Variants in SORCS2 observed in about 807,000 individuals in gnomAD.
The protein encoded by SORCS2 is sortilin related VPS10 domain containing receptor 2, also known as VPS10 domain-containing receptor SorCS2.
In SORCS2, 100 loss-of-function variants were observed where a neutral mutation model predicts 141.6. The ratio of observed to expected loss-of-function variants is 0.71; its 90% CI spans 0.60 to 0.83. The LOEUF is 0.83. SORCS2 is among the 40% of genes least tolerant of loss of function. SORCS2 has a pLI of 0.00. For missense variants in SORCS2, 1,646 were observed against 1,560.2 expected, an observed-to-expected ratio of 1.05 and a Z score of -0.93; for synonymous variants, 789 against 676.9, an observed-to-expected ratio of 1.17 and a Z score of -2.57.
intron 8 of SORCS2, among the ~76,000 whole-genome samples, chr4:7,668,786 G>A (rs1722642194): frequency 6.6e-6 from 1 of 152,186 alleles, no homozygotes; most frequent in Non-Finnish European, 1.5e-5. Flanking sequence ...CAGCATCTGG[G>A]AAGCCTTCCC....
chr4:7,446,711 G>T lies in SORCS2; in HGVS notation c.548+50356G>T, dbSNP rs370166743. On this transcript the variant is annotated intron_variant, in intron 2 of 26. Transcript: ENST00000507866. The stretch of plus-strand genomic sequence containing the variant: ...TGAGCCCCTGTTCCTGGCATACAAG[G>T]GGGTGCACCCTAGTTTTAATGCCAG... Among the ~76,000 whole-genome samples the T allele has an allele frequency of 2.0e-4, 30 of 152,276 alleles. No homozygotes were observed. The East Asian group carries it at 5.4e-3, about 27-fold the overall frequency.
At chr4:7,374,391 G>A (rs1352575062) in intron 1 of SORCS2, among the ~76,000 whole-genome samples, 2 of 152,064 alleles carry the variant, frequency 1.3e-5, no homozygotes, top group African/African-American at 2.4e-5. Context: ...GTACCAGCCC[G>A]GGTCTGAAAG....
At chr4:7,310,372 T>A (rs1356340801) in intron 1 of SORCS2, 1 of 154,312 alleles carries the variant, frequency 6.5e-6, no homozygotes, top group East Asian at 1.9e-4. Context: ...CAGAGGTGTG[T>A]GTTCCTCAGA....
At chr4:7,511,009 A>C (rs895098214) in intron 2 of SORCS2, among the ~76,000 whole-genome samples, 5 of 152,232 alleles carry the variant, frequency 3.3e-5, no homozygotes, top group African/African-American at 1.2e-4. Flanking sequence ...GGGGAAGAGA[A>C]GGCCACATAT....
intron 2 of SORCS2, among the ~76,000 whole-genome samples, chr4:7,516,777 T>A (rs55903354): frequency 0.3 from 45,920 of 152,064 alleles, 7,081 homozygotes; most frequent in South Asian, 0.38. Flanking sequence ...GGCATGGTCC[T>A]AGCTGCCGTT....
chr4:7,301,643 C>T (rs1006813233), intron 1 of SORCS2, among the ~76,000 whole-genome samples: 3 of 152,248 alleles, frequency 2.0e-5, no homozygotes, highest in Non-Finnish European at 4.4e-5. Context: ...GGCCCAAACC[C>T]TCTGTGTTCC....
intron 1 of SORCS2, among the ~76,000 whole-genome samples, chr4:7,305,510 T>A (rs940517298): frequency 5.9e-5 from 9 of 152,166 alleles, no homozygotes; most frequent in African/African-American, 1.9e-4. Context: ...GTCGTCTGCT[T>A]CTTGCAGTGG....
At position 7,305,442 on chromosome 4, in the gene SORCS2, G is replaced by A. The variant is rs1314229585; in HGVS notation, c.481-90846G>A. ...GAGGGGTGCCCGGCCAGTGCTAAAA[G>A]TGGAGACATGGCGTGGCCCTCACCC... is the stretch of plus-strand genomic sequence containing the variant. On this transcript the variant is annotated intron_variant, in intron 1 of 26. Transcript: ENST00000507866. Among the ~76,000 whole-genome samples, 3 of 151,048 alleles carry A rather than the reference G, an allele frequency of 2.0e-5. No homozygotes were observed. In the East Asian group the frequency reaches 5.9e-4, roughly 30 times the overall value.
At chr4:7,263,506 G>A (rs769477217) in intron 1 of SORCS2, among the ~76,000 whole-genome samples, 24 of 152,210 alleles carry the variant, frequency 1.6e-4, no homozygotes, top group African/African-American at 4.3e-4. Flanking sequence ...GGGCGTGTCC[G>A]ACCTGATTGC....
chr4:7,600,148 A>C (rs1334121259), intron 3 of SORCS2, among the ~76,000 whole-genome samples: 1 of 152,132 alleles, frequency 6.6e-6, no homozygotes, highest in African/African-American at 2.4e-5. Context: ...CTAAAGGTTT[A>C]AAAGCATGAG....
chr4:7,524,656 G>T (rs551133176), intron 2 of SORCS2, among the ~76,000 whole-genome samples: 1 of 151,328 alleles, frequency 6.6e-6, no homozygotes, highest in Admixed American at 6.6e-5. Flanking sequence ...AAGCAGCGCC[G>T]CCGCCCTTGT....
intron 1 of SORCS2, among the ~76,000 whole-genome samples, chr4:7,384,801 C>G (rs1560238169): frequency 6.6e-6 from 1 of 152,348 alleles, no homozygotes; most frequent in East Asian, 1.9e-4. Flanking sequence ...CAGGACTGCA[C>G]AGCAGGCACG....
chr4:7,542,492 C>T (rs1712759944), intron 3 of SORCS2, among the ~76,000 whole-genome samples: 1 of 152,126 alleles, frequency 6.6e-6, no homozygotes, highest in Non-Finnish European at 1.5e-5. Context: ...ATGACAGAGG[C>T]TGAGGGGAGT....
chr4:7,488,960 C>T (rs1461735510), intron 2 of SORCS2, among the ~76,000 whole-genome samples: 1 of 152,250 alleles, frequency 6.6e-6, no homozygotes, highest in Non-Finnish European at 1.5e-5. Flanking sequence ...TCACTAGCTA[C>T]ATTTACGTAT....
intron 7 of SORCS2, among the ~76,000 whole-genome samples, chr4:7,666,352 C>T (rs992245338): frequency 6.6e-6 from 1 of 152,106 alleles, no homozygotes; most frequent in Non-Finnish European, 1.5e-5. Flanking sequence ...AAGGTGGGGG[C>T]CACCGACTCC....
intron 3 of SORCS2, among the ~76,000 whole-genome samples, chr4:7,549,311 C>T (rs1713507403): frequency 6.6e-6 from 1 of 152,158 alleles, no homozygotes; most frequent in Non-Finnish European, 1.5e-5. Context: ...CGATTTGAAG[C>T]TTGAAAGGAA....
intron 2 of SORCS2, among the ~76,000 whole-genome samples, chr4:7,491,922 C>G (rs1254842961): frequency 2.0e-5 from 3 of 152,184 alleles, no homozygotes; most frequent in African/African-American, 7.2e-5. Context: ...TGGAGCAAGC[C>G]CAGTGCAGTG....
At chr4:7,520,498 G>T (rs1194737241) in intron 2 of SORCS2, among the ~76,000 whole-genome samples, 1 of 152,200 alleles carries the variant, frequency 6.6e-6, no homozygotes, top group East Asian at 1.9e-4. Flanking sequence ...GCCCAGCCCA[G>T]CTTCATTCTG....
intron 1 of SORCS2, among the ~76,000 whole-genome samples, chr4:7,243,915 G>C (rs1013366481): frequency 6.6e-6 from 1 of 151,466 alleles, no homozygotes; most frequent in Non-Finnish European, 1.5e-5. Context: ...CAGCAGGCCT[G>C]GCCCGATGGT....
Sources: gnomAD v4.1 joint callset for allele counts (sites outside exome capture counted in the v4.1 genomes callset) on GRCh38, gnomAD v4.1.1 for gene constraint, MANE v1.5 for transcripts, NCBI Gene and HGNC (gene_info 2026-07-23, HGNC 2026-07-21) for gene names.